The following DNAJB12 variants were observed in gnomAD, a reference collection of about 807,000 sequenced individuals.
DNAJB12 encodes dnaJ homolog subfamily B member 12.
In DNAJB12, 14 loss-of-function variants were observed where a neutral mutation model predicts 40.6. The ratio of observed to expected loss-of-function variants is 0.34; its 90% confidence interval spans 0.23 to 0.54. The LOEUF (loss-of-function observed/expected upper bound fraction) is 0.54, where lower values mean the gene tolerates loss of function less well. Ranked by LOEUF, DNAJB12 falls within the 20% of genes least tolerant of loss-of-function variation. The pLI is 0.92. For synonymous variants in DNAJB12, 181 were observed against 199.5 expected, an observed-to-expected ratio of 0.91 and a Z score of 0.78; for missense variants, 444 against 501.7, an observed-to-expected ratio of 0.89 and a Z score of 1.10.
At chr10:72,342,554 G>A (rs750216266) in intron 3 of DNAJB12, among the ~76,000 whole-genome samples, 4 of 152,154 alleles carry the variant, frequency 2.6e-5, no homozygotes, top group Non-Finnish European at 5.9e-5. Flanking sequence ...ACCAGGTCTC[G>A]GAGTCTCCTC....
intron 6 of DNAJB12, 148 bp downstream of exon 6, chr10:72,338,054 A>G (rs560419195): frequency 1.5e-6 from 1 of 646,986 alleles, no homozygotes; most frequent in South Asian, 1.9e-5. Context: ...CTAGTTGAAT[A>G]GAGAAAGTAT....
rs375528007 is a variant in DNAJB12 at position 72,341,004 on chromosome 10, A to G, written c.624T>C (p.Phe208=). 1.2e-6 allele frequency: 2 copies of G among 1,613,788 alleles called. No homozygotes were observed. The highest frequency in any genetic ancestry group is 1.7e-5 in the Admixed American group (1 of 59,970). Reference sequence around the variant, plus strand: ...ACTTACTAGAAGGGAAGCCGCCGCCAAAGAACATGTTGAAGAGGTCTTCAG... The same window carrying G: ...ACTTACTAGAAGGGAAGCCGCCGCCGAAGAACATGTTGAAGAGGTCTTCAG... The part of the protein sequence containing the change: ...ISPEDLFNMF[F]GGGFPSSNVH... The change falls in exon 4 of 9, where the codon TTT becomes TTC. Residue 208 remains phenylalanine (F), a synonymous_variant. Transcript: ENST00000444643.
chr10:72,335,699 C>A lies in DNAJB12; in HGVS notation c.*30+81G>T. 5 of 1,523,558 alleles carry A rather than the reference C, an allele frequency of 3.3e-6. No homozygotes were observed. The highest frequency in any genetic ancestry group is 2.3e-4 in the Middle Eastern group (1 of 4,438). 94.4% of individuals were successfully genotyped at this position (1,523,558 alleles called of 1,614,324 possible). On this transcript the variant is annotated intron_variant, in intron 8 of 8. Coordinates refer to ENST00000444643, the MANE Select transcript of DNAJB12 (RefSeq NM_017626.7). The surrounding 1 kb of genome is among the most constrained non-coding windows in gnomAD (Gnocchi z 4.4). ...TTGCCACAATCACCAGGCTTCCTCCCTTTCTCCCCCTCCCTCCTCTGCTCA... is the reference window on the plus strand; with the variant it reads ...TTGCCACAATCACCAGGCTTCCTCCATTTCTCCCCCTCCCTCCTCTGCTCA...
At chr10:72,350,607 C>T (rs1039046012) in intron 1 of DNAJB12, among the ~76,000 whole-genome samples, 7 of 151,996 alleles carry the variant, frequency 4.6e-5, no homozygotes, top group East Asian at 1.9e-4. Flanking sequence ...TGTCTCTGAC[C>T]GTGACTTTGT....
chr10:72,334,842 A>G, intron 8 of DNAJB12: 1 of 1,348,050 alleles, frequency 7.4e-7, no homozygotes, highest in South Asian at 1.9e-5. Flanking sequence ...GGACACAGGC[A>G]AAGGAGGGGG....
At chr10:72,338,755 G>A (rs930284766) in intron 5 of DNAJB12, among the ~76,000 whole-genome samples, 1 of 152,008 alleles carries the variant, frequency 6.6e-6, no homozygotes, top group Non-Finnish European at 1.5e-5. Flanking sequence ...GAACACGTGA[G>A]GCCAGGAGTT....
At position 72,336,646 on chromosome 10, in the gene DNAJB12, T is replaced by C. The variant is rs765776286; in HGVS notation, c.884A>G (p.Tyr295Cys). 1.2e-6 allele frequency: 2 copies of C among 1,614,134 alleles called. No homozygotes were observed. Among genetic ancestry groups the C allele is most frequent in the Non-Finnish European group, 1.7e-6 (2 of 1,179,992 alleles). ...TTCGGAGAAAGTGTCTCCCACATAG[T>C]AGACGACACCCAGGTGGTCAGTGAC... Reference protein sequence around the residue: ...RRVTDHLGVVYYVGDTFSEEY... With the variant: ...RRVTDHLGVVCYVGDTFSEEY... The change falls in exon 7 of 9, where the codon TAC becomes TGC. Residue 295 changes from tyrosine (Y) to cysteine (C), a missense_variant. Transcript: ENST00000444643.
Position 72,354,871 on chromosome 10 carries a change from C to A in DNAJB12, c.27G>T (p.Glu9Asp), listed in dbSNP as rs371945245. The A allele has an allele frequency of 1.1e-5, 18 of 1,614,122 alleles. No individual in the cohort carries two copies. The highest frequency in any genetic ancestry group is 1.4e-5 in the Non-Finnish European group (17 of 1,179,958). Residue 9 changes from glutamate to aspartate, a missense_variant, in exon 1 of 9, where the codon GAG becomes GAT. Glu to Asp is a conservative substitution (Grantham distance 45). Coordinates refer to ENST00000444643, the MANE Select transcript of DNAJB12 (RefSeq NM_017626.7). Reference protein sequence around the residue: MESNKDEAERCISIALKAI... With the variant: MESNKDEADRCISIALKAI... Reference sequence around the variant, plus strand: ...CCTTGAGGGCGATGCTGATACAGCGCTCAGCTTCATCCTTGTTGGATTCCA... The same window carrying A: ...CCTTGAGGGCGATGCTGATACAGCGATCAGCTTCATCCTTGTTGGATTCCA...
At chr10:72,350,398 CAAAAA>C (rs35316232) in intron 1 of DNAJB12, among the ~76,000 whole-genome samples, 4,402 of 27,076 alleles carry the variant, frequency 0.16, 74 homozygotes, top group African/African-American at 0.3. Context: ...GACCCTGTCT[CAAAAA>C]AAAAAAAAAA....
In DNAJB12 at chr10:72,343,447, G is replaced by T. The variant is rs1181097335; in HGVS notation, c.376C>A (p.Leu126Met). Residue 126 changes from leucine to methionine, a missense_variant, in exon 3 of 9, where the codon CTG (leucine) becomes ATG (methionine). Leu to Met is a conservative substitution (Grantham distance 15). Coordinates refer to ENST00000444643, the MANE Select transcript of DNAJB12 (RefSeq NM_017626.7). ...GVSRGASDED[L>M]KKAYRRLALK... ...GCCAGTCTGCGGTAGGCCTTCTTCA[G>T]GTCCTCATCCGAGGCCCCTCTGCTC... 6.2e-7 allele frequency: 1 copy of T among 1,614,200 alleles called. No individual in the cohort carries two copies. Among genetic ancestry groups the T allele is most frequent in the Non-Finnish European group, 8.5e-7 (1 of 1,180,022 alleles).
chr10:72,335,624 A>G lies in DNAJB12; in HGVS notation c.*30+156T>C. On this transcript the variant is annotated intron_variant, in intron 8 of 8. Coordinates refer to ENST00000444643, the MANE Select transcript of DNAJB12 (RefSeq NM_017626.7). The surrounding 1 kb of genome is among the most constrained non-coding windows in gnomAD (Gnocchi z 4.4). ...CGACCTTGGTTTCCCAGCAGGCCCCACAGCTGCTCGGTCTCTGGAGGCTGG... is the reference window on the plus strand; with the variant it reads ...CGACCTTGGTTTCCCAGCAGGCCCCGCAGCTGCTCGGTCTCTGGAGGCTGG... The G allele has an allele frequency of 7.1e-7, 1 of 1,413,046 alleles. No individual in the cohort carries two copies. Among genetic ancestry groups the G allele is most frequent in the Non-Finnish European group, 9.2e-7 (1 of 1,085,248 alleles). The allele number at this position is 1,413,046 out of a possible 1,614,324, so 87.5% of individuals were successfully genotyped here.
In DNAJB12 at chr10:72,343,436, G is replaced by A; in HGVS notation, c.387C>T (p.Ala129=). The A allele has an allele frequency of 6.2e-7, 1 of 1,614,214 alleles. No homozygotes were observed. The highest frequency in any genetic ancestry group is 1.1e-5 in the South Asian group (1 of 91,090). The part of the protein sequence containing the change: ...RGASDEDLKK[A]YRRLALKFHP... ...GGAATTTGAGGGCCAGTCTGCGGTAGGCCTTCTTCAGGTCCTCATCCGAGG... is the reference window on the plus strand; with the variant it reads ...GGAATTTGAGGGCCAGTCTGCGGTAAGCCTTCTTCAGGTCCTCATCCGAGG... The change falls in exon 3 of 9, where the codon GCC becomes GCT. Residue 129 remains alanine (A), a synonymous_variant. Transcript: ENST00000444643.
chr10:72,342,042 C>G (rs1861653460), intron 3 of DNAJB12, among the ~76,000 whole-genome samples: 1 of 152,228 alleles, frequency 6.6e-6, no homozygotes, highest in South Asian at 2.1e-4. Context: ...ACATGCAGGC[C>G]AGACAGACAC....
intron 2 of DNAJB12, among the ~76,000 whole-genome samples, chr10:72,344,726 GGC>G (rs1311967502): frequency 6.6e-6 from 1 of 152,220 alleles, no homozygotes; most frequent in African/African-American, 2.4e-5. Context: ...TGTGGGTCGT[GGC>G]GGGAGGGGTG....
chr10:72,353,626 C>T (rs1184762759), intron 1 of DNAJB12: 1 of 152,290 alleles, frequency 6.6e-6, no homozygotes, highest in Non-Finnish European at 1.5e-5. Context: ...AGATTTTCCT[C>T]ACCCATAGAA....
At chr10:72,338,407 G>C in intron 5 of DNAJB12, 96 bp from the exon 6 acceptor site, 1 of 977,810 alleles carries the variant, frequency 1.0e-6, no homozygotes, top group Middle Eastern at 2.1e-4. Flanking sequence ...GGAGCCTGGG[G>C]AGACATGACA....
In DNAJB12 at chr10:72,341,135, C is replaced by T. The variant is rs751390287; in HGVS notation, c.493G>A (p.Glu165Lys). 1.9e-6 allele frequency: 3 copies of T among 1,613,906 alleles called. No homozygotes were observed. Among genetic ancestry groups the T allele is most frequent in the East Asian group, 2.2e-5 (1 of 44,868 alleles). Residue 165 changes from glutamate (E) to lysine (K), a missense_variant, in exon 4 of 9, where the codon GAG (glutamate) becomes AAG (lysine). Transcript: ENST00000444643. The stretch of plus-strand genomic sequence containing the variant: ...AACTGGTCATACTGCTTCCTCTTCT[C>T]CGGGTTGCTGAGTACCGCATATGCT... ...GTAYAVLSNP[E>K]KRKQYDQFGD...
Position 72,345,090 on chromosome 10 carries a change from GGCA to G in DNAJB12, c.168_170del (p.Ala57del), listed in dbSNP as rs886158728. ...TGTCTGTGGGTGGGGGTTGGTCACC[GGCA>G]GTCTGTGGTTTCTGGTTGAGGGACT... On this transcript the variant is annotated inframe_deletion, in exon 2 of 9. Coordinates refer to ENST00000444643, the MANE Select transcript of DNAJB12 (RefSeq NM_017626.7). 6.2e-7 allele frequency: 1 copy of G among 1,613,636 alleles called. No individual in the cohort carries two copies. Among genetic ancestry groups the G allele is most frequent in the African/African-American group, 1.3e-5 (1 of 74,920 alleles).
At chr10:72,341,306 G>C (rs1861633962) in intron 3 of DNAJB12, 136 bp from the exon 4 acceptor site, 5 of 835,310 alleles carry the variant, frequency 6.0e-6, no homozygotes, top group Admixed American at 2.8e-5. Context: ...TGGGCAGGAA[G>C]CTTGGCCAGT....
Sources: gnomAD v4.1 joint callset for allele counts (sites outside exome capture counted in the v4.1 genomes callset) on GRCh38, gnomAD v4.1.1 for gene constraint, Gnocchi (gnomAD v3.1) non-coding constraint, MANE v1.5 for transcripts, NCBI Gene and HGNC (gene_info 2026-07-23, HGNC 2026-07-21) for gene names.